Variants in CCDC171 observed in about 807,000 individuals in gnomAD.
The protein encoded by CCDC171 is coiled-coil domain-containing protein 171.
A neutral mutation model predicts 168.2 loss-of-function variants in CCDC171; 177 were observed. That is an observed-to-expected ratio of 1.05 (90% CI 0.93 to 1.19). CCDC171 has a LOEUF of 1.19. Ranked by LOEUF, CCDC171 falls within the 50% of genes most tolerant of loss-of-function variation. CCDC171 has a pLI of 0.00. For synonymous variants in CCDC171, 687 were observed against 540.8 expected, an observed-to-expected ratio of 1.27 and a Z score of -3.75; for missense variants, 1,991 against 1,539.0, an observed-to-expected ratio of 1.29 and a Z score of -4.91.
chr9:15,716,876 C>T (rs1187009366), intron 11 of CCDC171, among the ~76,000 whole-genome samples: 1 of 152,094 alleles, frequency 6.6e-6, no homozygotes, highest in Non-Finnish European at 1.5e-5. Context: ...ATTAAGTTTC[C>T]AACACGTGAA....
At chr9:15,784,741 T>G (rs776498418) in intron 21 of CCDC171, 47 bp downstream of exon 21, 2 of 1,404,160 alleles carry the variant, frequency 1.4e-6, no homozygotes, top group Non-Finnish European at 2.0e-6. Context: ...TTTATCTATG[T>G]GTGGATCTTA....
chr9:15,676,533 G>T (rs187846106), intron 9 of CCDC171, among the ~76,000 whole-genome samples: 1 of 151,896 alleles, frequency 6.6e-6, no homozygotes, highest in Non-Finnish European at 1.5e-5. Flanking sequence ...GGAAGCGCTC[G>T]AGCTGGACAA....
At chr9:15,711,392 T>C (rs1330950002) in intron 11 of CCDC171, among the ~76,000 whole-genome samples, 5 of 152,226 alleles carry the variant, frequency 3.3e-5, no homozygotes, top group African/African-American at 1.2e-4. Context: ...AATTTTTGTT[T>C]CTCAATTCAT....
chr9:15,898,225 A>G (rs1010674412), intron 24 of CCDC171, among the ~76,000 whole-genome samples: 2 of 152,134 alleles, frequency 1.3e-5, no homozygotes, highest in African/African-American at 4.8e-5. Flanking sequence ...CATAGGCTTT[A>G]TTTACTTCCA....
intron 3 of CCDC171, among the ~76,000 whole-genome samples, chr9:15,997,159 T>C (rs1185426956): frequency 6.6e-6 from 1 of 152,204 alleles, no homozygotes; most frequent in African/African-American, 2.4e-5. Flanking sequence ...TACAAAAGTC[T>C]TCCTTCCTGT....
At chr9:15,876,810 T>A (rs1817907436) in intron 24 of CCDC171, among the ~76,000 whole-genome samples, 1 of 152,096 alleles carries the variant, frequency 6.6e-6, no homozygotes, top group Non-Finnish European at 1.5e-5. Flanking sequence ...ATTCAGTAGT[T>A]GTTTAACTTT....
intron 6 of CCDC171, among the ~76,000 whole-genome samples, chr9:15,599,258 A>T (rs964052042): frequency 7.9e-5 from 12 of 152,052 alleles, no homozygotes; most frequent in Non-Finnish European, 1.3e-4. Context: ...GGTCTTTACG[A>T]TTTGGCATGT....
chr9:16,010,411 G>A (rs1832837510), intron 3 of CCDC171, among the ~76,000 whole-genome samples: 1 of 152,110 alleles, frequency 6.6e-6, no homozygotes, highest in Admixed American at 6.6e-5. Context: ...GCGTCACTAG[G>A]GAATGCCTAA....
chr9:15,700,540 C>A (rs1230201118), intron 11 of CCDC171, among the ~76,000 whole-genome samples: 1 of 152,262 alleles, frequency 6.6e-6, no homozygotes, highest in Non-Finnish European at 1.5e-5. Flanking sequence ...AGGTTCGAGC[C>A]CAGGCAGAGG....
At chr9:16,077,790 A>T in the CCDC171 span, among the ~76,000 whole-genome samples, 1 of 152,200 alleles carries the variant, frequency 6.6e-6, no homozygotes, top group African/African-American at 2.4e-5. Context: ...CATTCCCTGA[A>T]CAGGGTTGCC....
At chr9:15,948,938 T>G (rs1389857075) in intron 25 of CCDC171, among the ~76,000 whole-genome samples, 14 of 152,126 alleles carry the variant, frequency 9.2e-5, no homozygotes, top group South Asian at 8.3e-4. Context: ...TTTTCTTCTC[T>G]GGTTTTTATG....
chr9:15,960,060 G>A (rs890257008), intron 25 of CCDC171, among the ~76,000 whole-genome samples: 2 of 152,208 alleles, frequency 1.3e-5, no homozygotes, highest in Non-Finnish European at 2.9e-5. Context: ...AGGGGTGTTT[G>A]AGGCTTGTAT....
At chr9:15,935,109 A>G (rs1323170435) in intron 25 of CCDC171, among the ~76,000 whole-genome samples, 2 of 152,094 alleles carry the variant, frequency 1.3e-5, no homozygotes, top group African/African-American at 4.8e-5. Context: ...AATGTTGTGA[A>G]TGTTCCTGAT....
chr9:15,752,084 A>T (rs111520586), intron 18 of CCDC171, among the ~76,000 whole-genome samples: 6,968 of 152,292 alleles, frequency 0.046, 350 homozygotes, highest in South Asian at 0.12. Flanking sequence ...CCCCATCAAA[A>T]AGTGGGCAAA....
chr9:15,797,124 C>T (rs1184284664), intron 21 of CCDC171, among the ~76,000 whole-genome samples: 2 of 152,070 alleles, frequency 1.3e-5, no homozygotes, highest in African/African-American at 2.4e-5. Flanking sequence ...TTGCATTTAC[C>T]TGATGATTAA....
intron 21 of CCDC171, among the ~76,000 whole-genome samples, chr9:15,835,707 A>T (rs34634023): frequency 1.3e-5 from 2 of 152,180 alleles, no homozygotes; most frequent in African/African-American, 4.8e-5. Flanking sequence ...GATTACAGGC[A>T]TGAGCCACTG....
chr9:15,771,249 T>C (rs2056997439), intron 18 of CCDC171, among the ~76,000 whole-genome samples: 1 of 152,174 alleles, frequency 6.6e-6, no homozygotes, highest in African/African-American at 2.4e-5. Context: ...AGAAATGGGA[T>C]TGTATATTTT....
At chr9:15,908,492 C>T (rs137979133) in intron 24 of CCDC171, among the ~76,000 whole-genome samples, 1,610 of 123,610 alleles carry the variant, frequency 0.013, 33 homozygotes, top group African/African-American at 0.047. Flanking sequence ...ACATCACACA[C>T]TGGGGCCTGT....
chr9:15,912,315 G>T (rs994629787), intron 24 of CCDC171, among the ~76,000 whole-genome samples: 1 of 152,178 alleles, frequency 6.6e-6, no homozygotes, highest in Non-Finnish European at 1.5e-5. Context: ...TAGCAGTTGT[G>T]AATGGGAGTT....
Sources: gnomAD v4.1 joint callset for allele counts (sites outside exome capture counted in the v4.1 genomes callset) on GRCh38, gnomAD v4.1.1 for gene constraint, MANE v1.5 for transcripts, NCBI Gene and HGNC (gene_info 2026-07-23, HGNC 2026-07-21) for gene names.